TTC39C: variants seen among roughly 807,000 people sequenced by gnomAD.
The protein encoded by TTC39C is tetratricopeptide repeat domain 39C, also known as tetratricopeptide repeat protein 39C.
In TTC39C, 33 loss-of-function variants were observed where a neutral mutation model predicts 76.3. The observed-to-expected ratio is 0.43, with a 90% CI of 0.33 to 0.58. TTC39C has a LOEUF of 0.58. Among genes scored for constraint, TTC39C ranks in the 20% least tolerant of loss-of-function variants. The pLI is 0.04. For synonymous variants in TTC39C, 254 were observed against 260.6 expected, an observed-to-expected ratio of 0.97 and a Z score of 0.24; for missense variants, 595 against 701.4, an observed-to-expected ratio of 0.85 and a Z score of 1.71.
At chr18:24,025,703 G>C (rs558870392) in intron 1 of TTC39C, among the ~76,000 whole-genome samples, 1 of 152,290 alleles carries the variant, frequency 6.6e-6, no homozygotes, top group South Asian at 2.1e-4. Context: ...CGGCCCAACA[G>C]GTTTGCAAAA....
intron 1 of TTC39C, among the ~76,000 whole-genome samples, chr18:24,045,861 G>T (rs958225194): frequency 7.8e-6 from 1 of 128,240 alleles, no homozygotes; most frequent in South Asian, 2.6e-4. Flanking sequence ...ACTACTTACA[G>T]ATAACATTTT....
At chr18:24,116,421 T>C (rs896454449) in intron 7 of TTC39C, among the ~76,000 whole-genome samples, 2 of 152,102 alleles carry the variant, frequency 1.3e-5, no homozygotes, top group Non-Finnish European at 2.9e-5. Context: ...TGGGCGCCTA[T>C]AATCTCAGCT....
At chr18:24,048,251 C>T (rs1473399625) in intron 1 of TTC39C, among the ~76,000 whole-genome samples, 1 of 152,216 alleles carries the variant, frequency 6.6e-6, no homozygotes, top group Non-Finnish European at 1.5e-5. Flanking sequence ...AAAACGCATA[C>T]ACGTGTGTGC....
rs756918030 is a variant in TTC39C, at chr18:24,082,904, T to G, written c.816-9T>G. The G allele has an allele frequency of 6.3e-7, 1 of 1,578,348 alleles. No homozygotes were observed. The highest frequency in any genetic ancestry group is 1.4e-5 in the African/African-American group (1 of 73,644). On this transcript the variant is annotated splice_polypyrimidine_tract_variant and intron_variant, in intron 5 of 13. Coordinates refer to ENST00000317571, the MANE Select transcript of TTC39C (RefSeq NM_001135993.2). ...AATGTGCTCAATGTTTCTCTCCCTCTTCCTCTAGATTAGCTCTGCTCTGGT... is the reference window on the plus strand; with the variant it reads ...AATGTGCTCAATGTTTCTCTCCCTCGTCCTCTAGATTAGCTCTGCTCTGGT...
intron 1 of TTC39C, among the ~76,000 whole-genome samples, chr18:24,008,745 G>C (rs1487153392): frequency 1.3e-5 from 2 of 152,136 alleles, no homozygotes; most frequent in African/African-American, 4.8e-5. Context: ...TCTTCGTAAA[G>C]ACACATAATT....
intron 13 of TTC39C, 51 bp from the exon 14 acceptor site, chr18:24,132,434 T>C: frequency 6.5e-7 from 1 of 1,535,284 alleles, no homozygotes; most frequent in Non-Finnish European, 9.0e-7. Flanking sequence ...CACAGTACCC[T>C]GTGCAAGCTT....
chr18:24,112,133 C>T (rs1356212136), intron 6 of TTC39C, among the ~76,000 whole-genome samples: 2 of 152,198 alleles, frequency 1.3e-5, no homozygotes, highest in Non-Finnish European at 2.9e-5. Context: ...CCTCTTCCAG[C>T]CTCTGGTGGC....
chr18:24,047,718 G>A (rs907896585), intron 1 of TTC39C, among the ~76,000 whole-genome samples: 1 of 152,022 alleles, frequency 6.6e-6, no homozygotes, highest in Admixed American at 6.5e-5. Context: ...CTTATATATA[G>A]CTTACTTTGA....
At chr18:24,082,825 A>G (rs777113403) in intron 5 of TTC39C, 88 bp from the exon 6 acceptor site, 2 of 1,358,640 alleles carry the variant, frequency 1.5e-6, no homozygotes, top group Non-Finnish European at 2.0e-6. Flanking sequence ...ATAGAGTAGT[A>G]TTGGAAGAAC....
chr18:24,010,485 G>A (rs945735141), upstream of TTC39C, among the ~76,000 whole-genome samples: 1 of 152,206 alleles, frequency 6.6e-6, no homozygotes, highest in Non-Finnish European at 1.5e-5. Context: ...TCTAGTTAAA[G>A]GTAGTTAATT....
At chr18:24,002,852 G>T (rs1229438780) in intron 1 of TTC39C, among the ~76,000 whole-genome samples, 16 of 152,200 alleles carry the variant, frequency 1.1e-4, no homozygotes, top group Admixed American at 1.0e-3. Flanking sequence ...ACTTGCAACA[G>T]AAAGAGAACT....
intron 1 of TTC39C, chr18:24,019,993 G>A: frequency 2.1e-6 from 3 of 1,450,994 alleles, no homozygotes; most frequent in Non-Finnish European, 2.7e-6. Context: ...TGGGAGGACT[G>A]GAAGGACTTG....
chr18:24,064,413 C>A (rs774732147), intron 2 of TTC39C, among the ~76,000 whole-genome samples: 1 of 151,962 alleles, frequency 6.6e-6, no homozygotes, highest in Admixed American at 6.6e-5. Flanking sequence ...ATATTTTAAC[C>A]AAAGTCCTTT....
chr18:24,026,555 T>A (rs2083602401), intron 1 of TTC39C, among the ~76,000 whole-genome samples: 1 of 152,232 alleles, frequency 6.6e-6, no homozygotes, highest in South Asian at 2.1e-4. Flanking sequence ...GAGCTTTCCC[T>A]GGTCTCACCC....
At chr18:24,072,935 T>C (rs950013793) in intron 4 of TTC39C, among the ~76,000 whole-genome samples, 1 of 152,252 alleles carries the variant, frequency 6.6e-6, no homozygotes, top group African/African-American at 2.4e-5. Context: ...GGTGAGACAG[T>C]TGCAGTTGAA....
At chr18:24,044,909 A>G (rs2083844446) in intron 1 of TTC39C, among the ~76,000 whole-genome samples, 1 of 152,090 alleles carries the variant, frequency 6.6e-6, no homozygotes, top group African/African-American at 2.4e-5. Flanking sequence ...CACCACTGAG[A>G]CCTTGCTAGT....
At chr18:24,113,067 A>G (rs768326849) in intron 6 of TTC39C, among the ~76,000 whole-genome samples, 1 of 152,030 alleles carries the variant, frequency 6.6e-6, no homozygotes, top group Non-Finnish European at 1.5e-5. Flanking sequence ...GTTTCCTCCA[A>G]CTGGACGTTA....
chr18:24,100,227 C>G (rs2084659594), intron 6 of TTC39C, among the ~76,000 whole-genome samples: 1 of 152,142 alleles, frequency 6.6e-6, no homozygotes, highest in South Asian at 2.1e-4. Flanking sequence ...TCTTAATTAT[C>G]TGATTATGAT....
chr18:24,078,777 G>A (rs1287719929), intron 4 of TTC39C, among the ~76,000 whole-genome samples: 1 of 151,896 alleles, frequency 6.6e-6, no homozygotes, highest in Non-Finnish European at 1.5e-5. Context: ...AGAAAAATCA[G>A]TGTTCAATGT....
Sources: gnomAD v4.1 joint callset for allele counts (sites outside exome capture counted in the v4.1 genomes callset) on GRCh38, gnomAD v4.1.1 for gene constraint, MANE v1.5 for transcripts, NCBI Gene and HGNC (gene_info 2026-07-23, HGNC 2026-07-21) for gene names.